Variants in C2CD3 observed in about 807,000 individuals in gnomAD.
C2CD3 encodes C2 domain containing 3 centriole elongation regulator.
A neutral mutation model predicts 234.0 loss-of-function variants in C2CD3; 148 were observed. The ratio of observed to expected loss-of-function variants is 0.63; its 90% confidence interval spans 0.55 to 0.72. C2CD3 has a LOEUF of 0.72. C2CD3 is among the 30% of genes least tolerant of loss of function. The probability of loss-of-function intolerance (pLI) is 0.00; values close to 1 mark genes in which losing one functional copy is unlikely to be tolerated. For missense variants in C2CD3, 2,577 were observed against 2,811.5 expected (o/e 0.92, Z 1.89); for synonymous variants, 1,000 against 1,035.4 (o/e 0.97, Z 0.66).
chr11:74,117,529 A>C (rs1463726359), intron 9 of C2CD3, among the ~76,000 whole-genome samples: 1 of 151,680 alleles, frequency 6.6e-6, no homozygotes, highest in Non-Finnish European at 1.5e-5. Flanking sequence ...CATAAGTGGA[A>C]GCAAAGCTAT....
chr11:74,101,088 G>C (rs1344850528), intron 14 of C2CD3, among the ~76,000 whole-genome samples: 1 of 152,172 alleles, frequency 6.6e-6, no homozygotes, highest in Non-Finnish European at 1.5e-5. Flanking sequence ...TTTTATCAAA[G>C]GGCAGCCAAT....
intron 26 of C2CD3, among the ~76,000 whole-genome samples, chr11:74,050,231 T>C (rs1163080112): frequency 6.6e-6 from 1 of 152,260 alleles, no homozygotes; most frequent in Non-Finnish European, 1.5e-5. Flanking sequence ...TACTTCTCTA[T>C]ATTTTCCAAA....
chr11:74,085,753 G>A lies in C2CD3; in HGVS notation c.3775C>T (p.Pro1259Ser). 1.2e-6 allele frequency: 2 copies of A among 1,614,112 alleles called. No homozygotes were observed. Among genetic ancestry groups the A allele is most frequent in the Non-Finnish European group, 1.7e-6 (2 of 1,180,032 alleles). ...RTHPVACSFC[P>S]EFSHHVEFTC... ...AACTCAACGTGATGGGAGAACTCAG[G>A]GCAGAAAGAACAGGCCACAGGGTGG... Residue 1259 changes from proline (P) to serine (S), a missense_variant, in exon 21 of 33, where the codon CCT becomes TCT. Coordinates refer to ENST00000334126, the MANE Select transcript of C2CD3 (RefSeq NM_001286577.2).
At chr11:74,120,380 T>C (rs952235327) in intron 8 of C2CD3, among the ~76,000 whole-genome samples, 15 of 152,164 alleles carry the variant, frequency 9.9e-5, no homozygotes, top group African/African-American at 3.6e-4. Flanking sequence ...AGGCGGTGTT[T>C]GGTTTTCTGT....
chr11:74,058,110 G>A (rs993845578), intron 24 of C2CD3, among the ~76,000 whole-genome samples: 11 of 152,174 alleles, frequency 7.2e-5, no homozygotes, highest in Admixed American at 5.9e-4. Flanking sequence ...TGTGTTGAGA[G>A]GCAAAAGACA....
rs189143243 is a variant in C2CD3 at position 74,090,966 on chromosome 11, T to C, written c.3518-30A>G. 48 of 1,611,412 alleles carry C rather than the reference T, an allele frequency of 3.0e-5. No homozygotes were observed. In the East Asian group the frequency reaches 3.6e-4, roughly 12 times the overall value. ...AGAATGAGGACACAAGGAAAGAAGGTTGGTCAGAAGAATCTCTGTTCCACC... is the reference window on the plus strand; with the variant it reads ...AGAATGAGGACACAAGGAAAGAAGGCTGGTCAGAAGAATCTCTGTTCCACC... On this transcript the variant is annotated intron_variant, in intron 19 of 32. Transcript: ENST00000334126.
At chr11:74,137,677 T>G (rs1169611281) in intron 5 of C2CD3, among the ~76,000 whole-genome samples, 1 of 151,994 alleles carries the variant, frequency 6.6e-6, no homozygotes, top group East Asian at 1.9e-4. Flanking sequence ...CTCTGCCTCC[T>G]GAGTTCAAGC....
At chr11:74,104,538 CAG>C (rs749520768) in intron 13 of C2CD3, among the ~76,000 whole-genome samples, 2 of 151,032 alleles carry the variant, frequency 1.3e-5, no homozygotes, top group South Asian at 2.1e-4. Flanking sequence ...GATAAAGGGA[CAG>C]AGAGAGAGAG....
chr11:74,037,241 G>A (rs1952790448), intron 30 of C2CD3, among the ~76,000 whole-genome samples: 1 of 151,872 alleles, frequency 6.6e-6, no homozygotes, highest in Non-Finnish European at 1.5e-5. Context: ...TGTACCAGAA[G>A]CCCATCAAGG....
At chr11:74,097,041 C>G (rs1325003635) in intron 16 of C2CD3, among the ~76,000 whole-genome samples, 1 of 151,478 alleles carries the variant, frequency 6.6e-6, no homozygotes, top group African/African-American at 2.4e-5. Flanking sequence ...CCCAGCTACC[C>G]GGGAGGCCAA....
intron 7 of C2CD3, 106 bp from the exon 8 acceptor site, chr11:74,123,241 G>T: frequency 1.3e-6 from 1 of 770,368 alleles, no homozygotes; most frequent in Non-Finnish European, 2.1e-6. Flanking sequence ...AAGGAGATAT[G>T]TTAAACAAAA....
chr11:74,035,714 T>A (rs989617501), intron 30 of C2CD3, among the ~76,000 whole-genome samples: 1 of 152,046 alleles, frequency 6.6e-6, no homozygotes, highest in Non-Finnish European at 1.5e-5. Flanking sequence ...TTGCTGTTTT[T>A]TTTTTTTGAA....
At chr11:74,111,142 G>T (rs1315161419) in intron 11 of C2CD3, among the ~76,000 whole-genome samples, 1 of 152,192 alleles carries the variant, frequency 6.6e-6, no homozygotes, top group Non-Finnish European at 1.5e-5. Flanking sequence ...TGATCTCATA[G>T]AAGCTACTTA....
chr11:74,059,478 T>C (rs1954123150), intron 24 of C2CD3, among the ~76,000 whole-genome samples: 1 of 146,676 alleles, frequency 6.8e-6, no homozygotes, highest in Non-Finnish European at 1.5e-5. Context: ...TCCTGATAGG[T>C]GAAGTTCATC....
At chr11:74,032,219 G>A (rs1952547314) in intron 31 of C2CD3, among the ~76,000 whole-genome samples, 1 of 152,168 alleles carries the variant, frequency 6.6e-6, no homozygotes, top group African/African-American at 2.4e-5. Context: ...TAAACTATAT[G>A]TCTATAATCA....
Position 74,103,358 on chromosome 11 carries a change from G to A in C2CD3, c.2353C>T (p.Pro785Ser), listed in dbSNP as rs1956388494. ...APHPSTFVAT[P>S]ASHNLVNQTN... ...TGATTGACTAAATTATGGGAGGCTG[G>A]CGTAGCTACGAAGGTTGAAGGATGT... Residue 785 changes from proline to serine, a missense_variant, in exon 14 of 33, where the codon CCA (proline) becomes TCA (serine). Pro to Ser is a moderately conservative substitution (Grantham distance 74). Transcript: ENST00000334126. The A allele has an allele frequency of 6.2e-7, 1 of 1,614,196 alleles. No individual in the cohort carries two copies. Among genetic ancestry groups the A allele is most frequent in the Non-Finnish European group, 8.5e-7 (1 of 1,180,036 alleles).
chr11:74,023,692 CTTCTCCCT>C (rs1447904177), intron 32 of C2CD3, among the ~76,000 whole-genome samples: 1 of 152,142 alleles, frequency 6.6e-6, no homozygotes, highest in Non-Finnish European at 1.5e-5. Context: ...GTGTCTTCCC[CTTCTCCCT>C]TTCTCTATGG....
At chr11:74,086,967 T>G (rs1032558628) in intron 20 of C2CD3, among the ~76,000 whole-genome samples, 1 of 152,188 alleles carries the variant, frequency 6.6e-6, no homozygotes, top group Admixed American at 6.5e-5. Flanking sequence ...TTACTTACCA[T>G]GTGACTCTGG....
rs1285891831 is a variant in C2CD3, at chr11:74,074,367, G to A, written c.4837C>T (p.Pro1613Ser). ...ACTTCAGCTGTGGTGCTGCTGCAGG[G>A]GACCTGGGTGGAGGCAGGAGACTTC... is the stretch of plus-strand genomic sequence containing the variant. ...HQKSPASTQV[P>S]CSSTTAEVRL... Residue 1613 changes from proline (P) to serine (S), a missense_variant, in exon 24 of 33, where the codon CCC becomes TCC. Transcript: ENST00000334126. The A allele has an allele frequency of 6.2e-7, 1 of 1,614,084 alleles. No homozygotes were observed. The highest frequency in any genetic ancestry group is 8.5e-7 in the Non-Finnish European group (1 of 1,180,032).
Sources: gnomAD v4.1 joint callset for allele counts (sites outside exome capture counted in the v4.1 genomes callset) on GRCh38, gnomAD v4.1.1 for gene constraint, MANE v1.5 for transcripts, NCBI Gene and HGNC (gene_info 2026-07-23, HGNC 2026-07-21) for gene names.